The following HNF4G variants were observed in gnomAD, a reference collection of about 807,000 sequenced individuals.
The protein encoded by HNF4G is hepatocyte nuclear factor 4 gamma, also known as hepatocyte nuclear factor 4-gamma.
In HNF4G, 21 loss-of-function variants were observed where a neutral mutation model predicts 50.9. That is an observed-to-expected ratio of 0.41 (90% confidence interval 0.29 to 0.59). HNF4G has a LOEUF of 0.59. Ranked by LOEUF, HNF4G falls within the 20% of genes least tolerant of loss-of-function variation. HNF4G has a pLI of 0.26. For missense variants in HNF4G, 527 were observed against 559.4 expected (o/e 0.94, Z 0.58); for synonymous variants, 198 against 185.6 (o/e 1.07, Z -0.54).
intron 1 of HNF4G, among the ~76,000 whole-genome samples, chr8:75,439,294 A>G (rs1811216053): frequency 6.6e-6 from 1 of 152,000 alleles, no homozygotes; most frequent in Non-Finnish European, 1.5e-5. Context: ...TTCATTTTCA[A>G]ATCTCCATCC....
chr8:75,472,218 G>A (rs1341786672), intron 1 of HNF4G, among the ~76,000 whole-genome samples: 2 of 152,088 alleles, frequency 1.3e-5, no homozygotes, highest in African/African-American at 2.4e-5. Flanking sequence ...GATAAAGAAC[G>A]TGATTGGAGA....
At chr8:75,413,805 C>T (rs568412176) in intron 1 of HNF4G, among the ~76,000 whole-genome samples, 8 of 151,316 alleles carry the variant, frequency 5.3e-5, no homozygotes, top group South Asian at 2.1e-4. Context: ...TGCAGTGAGC[C>T]GAGATTCTAG....
Position 75,556,007 on chromosome 8 carries a change from G to C in HNF4G, c.671G>C (p.Gly224Ala). Residue 224 changes from glycine (G) to alanine (A), a missense_variant, in exon 6 of 10, where the codon GGG becomes GCG. Transcript: ENST00000396423. ...DQVALLRAHAGEHLLLGATKR... is the reference protein window; with the variant it reads ...DQVALLRAHAAEHLLLGATKR... ...GTGGCACTGTTGAGAGCTCACGCAG[G>C]GGAGCACTTACTGCTTGGAGCTACA... The C allele has an allele frequency of 6.3e-7, 1 of 1,582,918 alleles. No homozygotes were observed. Among genetic ancestry groups the C allele is most frequent in the Non-Finnish European group, 8.6e-7 (1 of 1,163,338 alleles).
At chr8:75,433,178 C>T (rs1289241332) in intron 1 of HNF4G, among the ~76,000 whole-genome samples, 3 of 152,064 alleles carry the variant, frequency 2.0e-5, no homozygotes, top group African/African-American at 4.8e-5. Flanking sequence ...GAGGCAGGGG[C>T]ATGGCTTGAG....
At chr8:75,529,454 A>G (rs1806271001) in intron 2 of HNF4G, among the ~76,000 whole-genome samples, 1 of 152,128 alleles carries the variant, frequency 6.6e-6, no homozygotes, top group South Asian at 2.1e-4. Flanking sequence ...TCTTAGCTGT[A>G]GGCAAAAAAA....
At chr8:75,460,184 C>T (rs1585862841) in intron 1 of HNF4G, among the ~76,000 whole-genome samples, 2 of 152,176 alleles carry the variant, frequency 1.3e-5, no homozygotes, top group South Asian at 4.1e-4. Context: ...AATATTGTTT[C>T]CTACAGGCCT....
chr8:75,484,166 G>A (rs1394810893), intron 1 of HNF4G, among the ~76,000 whole-genome samples: 1 of 152,194 alleles, frequency 6.6e-6, no homozygotes, highest in African/African-American at 2.4e-5. Context: ...AAATTAGAAT[G>A]TTTAGCTCAG....
rs56799230 is a variant in HNF4G, at chr8:75,540,851, A to ATGTGTGTGTGTGTGTGTG, written c.118+785_118+802dup. ...ATTATGTATACTTTGGAAAATGTGT[A>ATGTGTGTGTGTGTGTGTG]TGTGTGTGTGTGTGTGTGTGTGTGT... On this transcript the variant is annotated intron_variant, in intron 1 of 9. Coordinates refer to ENST00000396423, the MANE Select transcript of HNF4G (RefSeq NM_004133.5). 5.5e-4 allele frequency among the ~76,000 whole-genome samples: 80 copies of ATGTGTGTGTGTGTGTGTG among 146,462 alleles called. 1 individual carries two copies. Among genetic ancestry groups the ATGTGTGTGTGTGTGTGTG allele is most frequent in the Middle Eastern group, 3.5e-3 (1 of 288 alleles).
chr8:75,439,631 A>G (rs1811226338), intron 1 of HNF4G, among the ~76,000 whole-genome samples: 1 of 152,090 alleles, frequency 6.6e-6, no homozygotes, highest in Admixed American at 6.6e-5. Context: ...GGCAGTCTCA[A>G]TCACATCTTT....
chr8:75,436,661 G>T (rs1402246573), intron 1 of HNF4G, among the ~76,000 whole-genome samples: 1 of 152,094 alleles, frequency 6.6e-6, no homozygotes, highest in African/African-American at 2.4e-5. Flanking sequence ...GGACATAAGA[G>T]AATATCCTTC....
intron 2 of HNF4G, among the ~76,000 whole-genome samples, chr8:75,517,194 T>A (rs1226822018): frequency 2.0e-5 from 3 of 152,146 alleles, no homozygotes; most frequent in Non-Finnish European, 2.9e-5. Context: ...TACCTCCCAT[T>A]ACATATGGGA....
chr8:75,499,548 A>C (rs568940513), intron 2 of HNF4G, among the ~76,000 whole-genome samples: 43 of 150,978 alleles, frequency 2.8e-4, no homozygotes, highest in African/African-American at 8.5e-4. Context: ...GTTCAGATGA[A>C]AATTCAAGAG....
chr8:75,516,897 A>G (rs752136374), intron 2 of HNF4G, among the ~76,000 whole-genome samples: 1 of 152,106 alleles, frequency 6.6e-6, no homozygotes, highest in Non-Finnish European at 1.5e-5. Flanking sequence ...TTACTTAATG[A>G]TTATATGATT....
intron 1 of HNF4G, among the ~76,000 whole-genome samples, chr8:75,410,597 A>G (rs951749955): frequency 4.6e-5 from 7 of 152,204 alleles, no homozygotes; most frequent in African/African-American, 1.7e-4. Context: ...GATTGCAAAC[A>G]TGTGGACCAT....
intron 2 of HNF4G, among the ~76,000 whole-genome samples, chr8:75,503,630 C>A (rs989574783): frequency 2.0e-5 from 3 of 152,158 alleles, no homozygotes; most frequent in African/African-American, 7.2e-5. Flanking sequence ...TATGTTAGAG[C>A]TGAATCAGTG....
chr8:75,504,755 C>T (rs1412618373), intron 2 of HNF4G, among the ~76,000 whole-genome samples: 1 of 151,996 alleles, frequency 6.6e-6, no homozygotes. Context: ...TTATTAAGGT[C>T]TTTCTATTAG....
At chr8:75,439,930 G>A (rs1811236961) in intron 1 of HNF4G, among the ~76,000 whole-genome samples, 1 of 151,804 alleles carries the variant, frequency 6.6e-6, no homozygotes, top group Admixed American at 6.6e-5. Context: ...CTATTGTCAT[G>A]AAAGCTCCTT....
chr8:75,563,847 C>T (rs1585964342), intron 9 of HNF4G, 128 bp from the exon 10 acceptor site: 3 of 977,836 alleles, frequency 3.1e-6, no homozygotes, highest in Non-Finnish European at 4.5e-6. Context: ...CTACAAATCA[C>T]TATTCTGTGT....
At chr8:75,520,824 G>A (rs1306668538) in intron 2 of HNF4G, among the ~76,000 whole-genome samples, 2 of 151,750 alleles carry the variant, frequency 1.3e-5, no homozygotes, top group Non-Finnish European at 2.9e-5. Flanking sequence ...CTGCCAAATA[G>A]CTCTTCTTGC....
Sources: gnomAD v4.1 joint callset for allele counts (sites outside exome capture counted in the v4.1 genomes callset) on GRCh38, gnomAD v4.1.1 for gene constraint, MANE v1.5 for transcripts, NCBI Gene and HGNC (gene_info 2026-07-23, HGNC 2026-07-21) for gene names.